PTPN14: variants seen among roughly 807,000 people sequenced by gnomAD.
PTPN14 encodes tyrosine-protein phosphatase non-receptor type 14.
PTPN14 carries 53 observed loss-of-function variants against 126.8 expected under a neutral mutation model. That is an observed-to-expected ratio of 0.42 (90% CI 0.34 to 0.53). The LOEUF (loss-of-function observed/expected upper bound fraction) is 0.53, where lower values mean the gene tolerates loss of function less well. Among genes scored for constraint, PTPN14 ranks in the 20% least tolerant of loss-of-function variants. PTPN14 has a pLI of 0.08. For missense variants in PTPN14, 1,257 were observed against 1,552.9 expected (o/e 0.81, Z 3.20); for synonymous variants, 630 against 599.3 (o/e 1.05, Z -0.75).
At position 214,350,724 on chromosome 1, in the gene PTPN14, T is replaced by TTTTTTTTTTTTTTTTA. The variant is rs1657689608; in HGVS notation, c.*7197_*7198insTAAAAAAAAAAAAAAA. ...CCTGGCTAATTTTTTTTTTTTTTTT[T>TTTTTTTTTTTTTTTTA]TTTTTTGTATTTTTAGTAGAGACGG... On this transcript the variant is annotated 3_prime_UTR_variant, in exon 19 of 19. Coordinates refer to ENST00000366956, the MANE Select transcript of PTPN14 (RefSeq NM_005401.5). 7.9e-6 allele frequency: 1 copy of TTTTTTTTTTTTTTTTA among 126,908 alleles called. No individual in the cohort carries two copies. The highest frequency in any genetic ancestry group is 1.7e-5 in the Non-Finnish European group (1 of 59,814). 7.9% of individuals were successfully genotyped at this position (126,908 alleles called of 1,614,324 possible).
At chr1:214,418,872 C>A (rs1180410047) in intron 3 of PTPN14, among the ~76,000 whole-genome samples, 2 of 152,152 alleles carry the variant, frequency 1.3e-5, no homozygotes, top group Non-Finnish European at 2.9e-5. Context: ...TACATTTTAA[C>A]TACATGTTAA....
chr1:214,450,919 A>G (rs1261692826), intron 3 of PTPN14, among the ~76,000 whole-genome samples: 2 of 152,238 alleles, frequency 1.3e-5, no homozygotes, highest in Non-Finnish European at 2.9e-5. Flanking sequence ...AAGCTAAAGC[A>G]GACACTGAGT....
intron 1 of PTPN14, among the ~76,000 whole-genome samples, chr1:214,468,558 C>CCA (rs1660689767): frequency 2.1e-5 from 3 of 144,268 alleles, no homozygotes; most frequent in Non-Finnish European, 4.7e-5. Context: ...CTCTCAAAAA[C>CCA]AAAAAAAAGA....
chr1:214,483,692 C>G (rs1242605644), intron 1 of PTPN14, among the ~76,000 whole-genome samples: 1 of 152,176 alleles, frequency 6.6e-6, no homozygotes, highest in Non-Finnish European at 1.5e-5. Flanking sequence ...TTATGACACT[C>G]ACTCCCTCAT....
At chr1:214,484,962 G>T (rs1661079423) in intron 1 of PTPN14, among the ~76,000 whole-genome samples, 1 of 152,318 alleles carries the variant, frequency 6.6e-6, no homozygotes, top group Admixed American at 6.5e-5. Context: ...AAAACCAAGA[G>T]AATGAAAAGG....
At position 214,354,370 on chromosome 1, in the gene PTPN14, T is replaced by G. The variant is rs1430317563; in HGVS notation, c.*3552A>C. On this transcript the variant is annotated 3_prime_UTR_variant, in exon 19 of 19. Transcript: ENST00000366956. ...ACTGAATATTGCAGCTCATTCATCT[T>G]TACTCCTATGTAATCAATGTTTAAC... 1.3e-5 allele frequency: 2 copies of G among 152,246 alleles called. No homozygotes were observed. The highest frequency in any genetic ancestry group is 4.8e-5 in the African/African-American group (2 of 41,456). The allele number at this position is 152,246 out of a possible 1,614,324, so 9.4% of individuals were successfully genotyped here. A position where few individuals can be genotyped will look rare whatever the true frequency, so the allele number is the denominator to read the frequency against.
intron 15 of PTPN14, among the ~76,000 whole-genome samples, chr1:214,375,286 T>C (rs1358690763): frequency 2.0e-5 from 3 of 152,200 alleles, no homozygotes; most frequent in Non-Finnish European, 4.4e-5. Context: ...TGTTAATAAT[T>C]CTGCTACAGT....
intron 1 of PTPN14, among the ~76,000 whole-genome samples, chr1:214,542,852 A>C (rs1257661478): frequency 6.6e-6 from 1 of 152,174 alleles, no homozygotes; most frequent in African/African-American, 2.4e-5. Flanking sequence ...GAGAACCTTA[A>C]ACATCAAGCT....
chr1:214,467,951 G>C (rs1660677624), intron 1 of PTPN14, among the ~76,000 whole-genome samples: 1 of 152,162 alleles, frequency 6.6e-6, no homozygotes, highest in Non-Finnish European at 1.5e-5. Flanking sequence ...GGCATGAGGA[G>C]GGGGAGGCCG....
At chr1:214,400,052 C>CTTG (rs72509546) in intron 7 of PTPN14, among the ~76,000 whole-genome samples, 1 of 151,688 alleles carries the variant, frequency 6.6e-6, no homozygotes, top group South Asian at 2.1e-4. Context: ...CACTGCTGTT[C>CTTG]TACTCTTGAA....
At position 214,451,785 on chromosome 1, in the gene PTPN14, CAG is replaced by C. The variant is rs776783748; in HGVS notation, c.344+18_344+19del. On this transcript the variant is annotated intron_variant, in intron 3 of 18. Transcript: ENST00000366956. ...TTAGTCAACACCCTTATATGGCACA[CAG>C]GGGGAAAATGCACCTACCTTGTGGC... 37 of 1,611,754 alleles carry C rather than the reference CAG, an allele frequency of 2.3e-5. No individual in the cohort carries two copies. The African/African-American group carries it at 4.5e-4, about 20-fold the overall frequency.
chr1:214,366,035 C>T (rs1033498624), intron 17 of PTPN14, among the ~76,000 whole-genome samples: 10 of 152,006 alleles, frequency 6.6e-5, no homozygotes, highest in African/African-American at 9.7e-5. Flanking sequence ...TGTGGTGGCA[C>T]GAGCCTGTAA....
rs560807551 is a variant in PTPN14, at chr1:214,372,628, A to T, written c.3036+83T>A. ...AGCACTGCAGGAAGAAGGATAGGGT[A>T]GCAAAGTTGACAGCACAAAGCCCAT... On this transcript the variant is annotated intron_variant, in intron 16 of 18. Transcript: ENST00000366956. 3 of 1,592,608 alleles carry T rather than the reference A, an allele frequency of 1.9e-6. No homozygotes were observed. In the East Asian group the frequency reaches 6.7e-5, roughly 36 times the overall value.
intron 3 of PTPN14, among the ~76,000 whole-genome samples, chr1:214,424,956 T>A (rs1659628187): frequency 6.6e-6 from 1 of 151,626 alleles, no homozygotes; most frequent in Non-Finnish European, 1.5e-5. Context: ...AACATGCCTA[T>A]CCATCTCTGT....
At chr1:214,458,675 T>A (rs1256543189) in intron 2 of PTPN14, among the ~76,000 whole-genome samples, 3 of 152,192 alleles carry the variant, frequency 2.0e-5, no homozygotes, top group Admixed American at 6.5e-5. Flanking sequence ...CTCAGGCAGT[T>A]TGGTCCAAGC....
intron 2 of PTPN14, among the ~76,000 whole-genome samples, chr1:214,459,642 G>A (rs945333114): frequency 6.6e-6 from 1 of 151,496 alleles, no homozygotes; most frequent in African/African-American, 2.4e-5. Context: ...GCTAATTTTT[G>A]TATTTTAGTA....
At chr1:214,530,092 A>G (rs1328508039) in intron 1 of PTPN14, 1 of 152,126 alleles carries the variant, frequency 6.6e-6, no homozygotes, top group Non-Finnish European at 1.5e-5. Flanking sequence ...TAGGTCAACA[A>G]CTACAACATA....
intron 1 of PTPN14, among the ~76,000 whole-genome samples, chr1:214,471,019 C>T (rs543034687): frequency 1.2e-5 from 1 of 85,872 alleles, no homozygotes; most frequent in South Asian, 4.7e-4. Context: ...GAGCAAAATT[C>T]CATCTCAAAA....
chr1:214,414,057 C>T (rs1183385531), intron 4 of PTPN14, among the ~76,000 whole-genome samples: 1 of 152,114 alleles, frequency 6.6e-6, no homozygotes, highest in African/African-American at 2.4e-5. Context: ...ATAAAATATA[C>T]ATATAAAGTC....
Sources: allele counts gnomAD v4.1 joint callset (sites outside exome capture counted in the v4.1 genomes callset), GRCh38; gene constraint gnomAD v4.1.1; transcripts MANE v1.5; gene names NCBI Gene and HGNC (gene_info 2026-07-23, HGNC 2026-07-21).